Variants in SETX observed in about 807,000 individuals in gnomAD.
SETX encodes senataxin.
A neutral mutation model predicts 227.2 loss-of-function variants in SETX; 90 were observed. The ratio of observed to expected loss-of-function variants is 0.40; its 90% CI spans 0.33 to 0.47. SETX has a LOEUF of 0.47. Among genes scored for constraint, SETX ranks in the 20% least tolerant of loss-of-function variants. The pLI is 0.91. For missense variants in SETX, 3,052 were observed against 3,181.5 expected (o/e 0.96, Z 0.98); for synonymous variants, 1,210 against 1,113.2 (o/e 1.09, Z -1.73).
chr9:132,342,610 C>T, intron 5 of SETX, 80 bp downstream of exon 5: 1 of 1,066,100 alleles, frequency 9.4e-7, no homozygotes, highest in Non-Finnish European at 1.5e-6. Flanking sequence ...AAACAAAATC[C>T]ACACCAAAAA....
chr9:132,267,920 G>A (rs182431183), intron 25 of SETX, among the ~76,000 whole-genome samples: 87 of 152,310 alleles, frequency 5.7e-4, no homozygotes, highest in African/African-American at 1.9e-3. Context: ...ACTTAAGGGA[G>A]GATGAAAAAC....
chr9:132,269,754 C>T (rs756941645), intron 24 of SETX, 52 bp from the exon 25 acceptor site: 3 of 1,564,170 alleles, frequency 1.9e-6, no homozygotes, highest in South Asian at 1.1e-5. Flanking sequence ...TTAACATGCC[C>T]ATGTGAGACA....
rs879252140 is a variant in SETX, at chr9:132,288,479, T to G, written c.6208+71A>C. 1.2e-5 allele frequency: 17 copies of G among 1,448,674 alleles called. No homozygotes were observed. In the South Asian group the frequency reaches 2.0e-4, roughly 17 times the overall value. The allele number at this position is 1,448,674 out of a possible 1,614,324, so 89.7% of individuals were successfully genotyped here. A position where few individuals can be genotyped will look rare whatever the true frequency, so the allele number is the denominator to read the frequency against. On this transcript the variant is annotated intron_variant, in intron 16 of 25. Transcript: ENST00000224140. ...CTAATTCTGGAGGCTTCAAATTACCTTTAGTGCCCAAGTCATTTTCCACCA... is the reference window on the plus strand; with the variant it reads ...CTAATTCTGGAGGCTTCAAATTACCGTTAGTGCCCAAGTCATTTTCCACCA...
chr9:132,326,054 A>AT (rs1846728626), intron 10 of SETX, among the ~76,000 whole-genome samples: 1 of 151,690 alleles, frequency 6.6e-6, no homozygotes, highest in Non-Finnish European at 1.5e-5. Context: ...GTCAATTTTA[A>AT]TTTAACTATA....
rs1044592271 is a variant in SETX, at chr9:132,263,110, T to C, written c.*1129A>G. The C allele has an allele frequency of 5.9e-5, 9 of 152,250 alleles. No homozygotes were observed. The highest frequency in any genetic ancestry group is 2.2e-4 in the African/African-American group (9 of 41,458). 9.4% of individuals were successfully genotyped at this position (152,250 alleles called of 1,614,324 possible). A position where few individuals can be genotyped will look rare whatever the true frequency, so the allele number is the denominator to read the frequency against. On this transcript the variant is annotated 3_prime_UTR_variant, in exon 26 of 26. Transcript: ENST00000224140. ...CTAAACAGCATGTATTTTTACCAGGTAGATGATTTCTGAAGATCACAGGAA... is the reference window on the plus strand; with the variant it reads ...CTAAACAGCATGTATTTTTACCAGGCAGATGATTTCTGAAGATCACAGGAA...
At chr9:132,344,434 T>C (rs931732163) in intron 4 of SETX, among the ~76,000 whole-genome samples, 6 of 152,104 alleles carry the variant, frequency 3.9e-5, no homozygotes, top group African/African-American at 1.2e-4. Flanking sequence ...CTGCCGAGGG[T>C]GAGAAGACTG....
intron 3 of SETX, 106 bp from the exon 4 acceptor site, chr9:132,346,577 TGTAAA>T (rs1360351588): frequency 5.1e-6 from 4 of 788,672 alleles, no homozygotes; most frequent in Non-Finnish European, 8.5e-6. Context: ...AATTCTGAAA[TGTAAA>T]GTATTAGAGC....
rs1452405571 is a variant in SETX, at chr9:132,297,020, T to C, written c.5816A>G (p.Lys1939Arg). Residue 1939 changes from lysine (K) to arginine (R), a missense_variant, in exon 14 of 26, where the codon AAG becomes AGG. Physicochemically the swap from Lys to Arg is conservative, Grantham distance 26 (BLOSUM62 2). Coordinates refer to ENST00000224140, the MANE Select transcript of SETX (RefSeq NM_015046.7). ...AGCATATGCAGTTTCTATTGCTTTC[T>C]TTTGATCTTCATTGAAATCTCTTAA... ...AYLRDFNEDQ[K>R]KAIETAYAMV... 6.2e-7 allele frequency: 1 copy of C among 1,613,904 alleles called. No individual in the cohort carries two copies. The highest frequency in any genetic ancestry group is 1.7e-5 in the Admixed American group (1 of 60,010).
intron 4 of SETX, among the ~76,000 whole-genome samples, chr9:132,344,048 C>A (rs555401406): frequency 1.3e-5 from 2 of 152,296 alleles, no homozygotes; most frequent in South Asian, 4.1e-4. Context: ...AAAATCCACA[C>A]ACAGCTGAGT....
chr9:132,314,709 C>T (rs1294632883), intron 10 of SETX, among the ~76,000 whole-genome samples: 1 of 151,940 alleles, frequency 6.6e-6, no homozygotes, highest in Non-Finnish European at 1.5e-5. Flanking sequence ...ATAGATTATT[C>T]TACAAAACTG....
rs772991134 is a variant in SETX at position 132,326,915 on chromosome 9, C to G, written c.4683G>C (p.Gln1561His). The G allele has an allele frequency of 9.9e-6, 16 of 1,614,052 alleles. No homozygotes were observed. Among genetic ancestry groups the G allele is most frequent in the Non-Finnish European group, 1.4e-5 (16 of 1,180,048 alleles). The change falls in exon 10 of 26, where the codon CAG (glutamine) becomes CAC (histidine). Residue 1561 changes from glutamine (Q) to histidine (H), a missense_variant. Transcript: ENST00000224140. ...YKDCLETTKN[Q>H]GEYCPKHSEV... ...CAGAGTGTTTTGGGCAGTATTCACC[C>G]TGGTTTTTTGTGGTTTCAAGACAAT...
chr9:132,331,032 A>ATTT lies in SETX; in HGVS notation c.1098+17_1098+19dup, dbSNP rs1055831665. On this transcript the variant is annotated intron_variant, in intron 9 of 25. Coordinates refer to ENST00000224140, the MANE Select transcript of SETX (RefSeq NM_015046.7). ...ATAAAGGCAATAAAATAGCATCTGAATTTTCAAAGTGTTTTATACCTTTTT... is the reference window on the plus strand; with the variant it reads ...ATAAAGGCAATAAAATAGCATCTGAATTTTTTTCAAAGTGTTTTATACCTTTTT... 3.2e-6 allele frequency: 5 copies of ATTT among 1,555,128 alleles called. No individual in the cohort carries two copies. Among genetic ancestry groups the ATTT allele is most frequent in the Non-Finnish European group, 4.4e-6 (5 of 1,126,008 alleles).
intron 2 of SETX, among the ~76,000 whole-genome samples, chr9:132,351,515 A>T (rs1848601136): frequency 6.6e-6 from 1 of 152,254 alleles, no homozygotes; most frequent in Non-Finnish European, 1.5e-5. Context: ...TTCTCAAAAT[A>T]TATAGGAGTT....
chr9:132,306,569 G>A (rs1428067338), intron 11 of SETX, among the ~76,000 whole-genome samples: 2 of 151,962 alleles, frequency 1.3e-5, no homozygotes, highest in Non-Finnish European at 2.9e-5. Context: ...TTATACATAT[G>A]ACCAATTTAA....
chr9:132,269,408 G>T, intron 25 of SETX: 3 of 1,559,626 alleles, frequency 1.9e-6, no homozygotes, highest in Non-Finnish European at 2.6e-6. Context: ...GTCACCTTGA[G>T]AGCCCAGTGT....
At chr9:132,274,845 CT>C (rs1376528964) in intron 23 of SETX, 20 of 178,608 alleles carry the variant, frequency 1.1e-4, no homozygotes, top group Non-Finnish European at 1.9e-4. Flanking sequence ...AATATTTAAT[CT>C]TTAATTTTAC....
chr9:132,343,959 G>A, intron 4 of SETX, among the ~76,000 whole-genome samples: 1 of 151,882 alleles, frequency 6.6e-6, no homozygotes, highest in East Asian at 1.9e-4. Flanking sequence ...CAAACTCATG[G>A]CCAAAAAAAA....
intron 10 of SETX, among the ~76,000 whole-genome samples, chr9:132,324,829 T>C (rs901125621): frequency 6.6e-6 from 1 of 152,196 alleles, no homozygotes; most frequent in Non-Finnish European, 1.5e-5. Flanking sequence ...AAAGTTTCTT[T>C]TGAGGATTAA....
At chr9:132,266,005 T>G (rs897236125) in intron 25 of SETX, 1 of 152,148 alleles carries the variant, frequency 6.6e-6, no homozygotes, top group South Asian at 2.1e-4. Context: ...ATCGGGAAAG[T>G]TGCCAAACAC....
Sources: allele counts gnomAD v4.1 joint callset (sites outside exome capture counted in the v4.1 genomes callset), GRCh38; gene constraint gnomAD v4.1.1; transcripts MANE v1.5; gene names NCBI Gene and HGNC (gene_info 2026-07-23, HGNC 2026-07-21).